The following PRLR variants were observed in gnomAD, a reference collection of about 807,000 sequenced individuals.
The protein encoded by PRLR is hPRL receptor.
A neutral mutation model predicts 40.2 loss-of-function variants in PRLR; 13 were observed. That is an observed-to-expected ratio of 0.32 (90% CI 0.21 to 0.51). The LOEUF is 0.51. Ranked by LOEUF, PRLR falls within the 20% of genes least tolerant of loss-of-function variation. The pLI is 0.97. For synonymous variants in PRLR, 269 were observed against 278.7 expected, an observed-to-expected ratio of 0.97 and a Z score of 0.35; for missense variants, 656 against 747.3, an observed-to-expected ratio of 0.88 and a Z score of 1.42.
chr5:35,215,410 C>T (rs1776261585), intron 1 of PRLR, among the ~76,000 whole-genome samples: 1 of 152,238 alleles, frequency 6.6e-6, no homozygotes, highest in African/African-American at 2.4e-5. Flanking sequence ...GTTGGTGTCC[C>T]CCAGTAAATC....
At chr5:35,111,701 T>G (rs986087665) in intron 2 of PRLR, among the ~76,000 whole-genome samples, 2 of 152,140 alleles carry the variant, frequency 1.3e-5, no homozygotes, top group Non-Finnish European at 2.9e-5. Flanking sequence ...TATTTAACCT[T>G]TAAAGTAATG....
intron 1 of PRLR, among the ~76,000 whole-genome samples, chr5:35,187,193 G>C (rs1001699867): frequency 1.3e-5 from 2 of 152,120 alleles, no homozygotes; most frequent in Non-Finnish European, 2.9e-5. Context: ...TTGAGGTCAG[G>C]AGTTTGAGAC....
intron 1 of PRLR, among the ~76,000 whole-genome samples, chr5:35,206,419 T>C (rs558166002): frequency 1.3e-5 from 2 of 152,218 alleles, no homozygotes; most frequent in East Asian, 3.9e-4. Flanking sequence ...CAGGAATGTA[T>C]TGTAAAGGAT....
At chr5:35,075,412 T>C (rs1335255197) in intron 5 of PRLR, among the ~76,000 whole-genome samples, 1 of 152,076 alleles carries the variant, frequency 6.6e-6, no homozygotes, top group East Asian at 1.9e-4. Context: ...GCTCAGAGGG[T>C]CCCAAGCCCA....
At chr5:35,068,730 A>G in intron 8 of PRLR, 49 bp downstream of exon 8, 1 of 1,343,380 alleles carries the variant, frequency 7.4e-7, no homozygotes, top group Non-Finnish European at 1.1e-6. Flanking sequence ...TTTTGTCATT[A>G]TCCTTGACTA....
chr5:35,099,406 C>T (rs1156400431), intron 2 of PRLR, among the ~76,000 whole-genome samples: 1 of 152,206 alleles, frequency 6.6e-6, no homozygotes, highest in Admixed American at 6.5e-5. Context: ...AAATCTACTG[C>T]ACTGCTAGTC....
intron 3 of PRLR, among the ~76,000 whole-genome samples, chr5:35,086,860 T>C (rs1270967730): frequency 1.3e-5 from 2 of 152,170 alleles, no homozygotes; most frequent in African/African-American, 4.8e-5. Context: ...TCCATCTTTC[T>C]GCCATCCCCA....
At position 35,128,779 on chromosome 5, in the gene PRLR, T is replaced by C. The variant is rs561000186; in HGVS notation, c.-105-10657A>G. On this transcript the variant is annotated intron_variant, in intron 1 of 9. Transcript: ENST00000618457. ...TTCATTCACCTCCTCTGAGACTTGA[T>C]AATTAATCTTGTCCTCACCTCCTCA... is the stretch of plus-strand genomic sequence containing the variant. Among the ~76,000 whole-genome samples, 17 of 152,344 alleles carry C rather than the reference T, an allele frequency of 1.1e-4. No individual in the cohort carries two copies. In the East Asian group the frequency reaches 2.7e-3, roughly 24 times the overall value.
At chr5:35,223,740 C>T (rs6878684) in intron 1 of PRLR, among the ~76,000 whole-genome samples, 116,344 of 152,216 alleles carry the variant, frequency 0.76, 44,821 homozygotes, top group Middle Eastern at 0.82. Context: ...TACATGCTAC[C>T]GGTCTTTTAT....
intron 1 of PRLR, among the ~76,000 whole-genome samples, chr5:35,204,655 A>AT (rs1255163315): frequency 6.6e-6 from 1 of 152,170 alleles, no homozygotes; most frequent in East Asian, 1.9e-4. Context: ...GAATCAAAAG[A>AT]TTTTTTAAAC....
intron 2 of PRLR, among the ~76,000 whole-genome samples, chr5:35,113,300 C>CCAT (rs1772792573): frequency 1.4e-5 from 2 of 141,252 alleles, no homozygotes; most frequent in Admixed American, 7.1e-5. Flanking sequence ...CATCCATCCA[C>CCAT]CCACCCATCT....
At chr5:35,081,625 A>C (rs1770525588) in intron 5 of PRLR, 1 of 152,804 alleles carries the variant, frequency 6.5e-6, no homozygotes, top group Non-Finnish European at 1.5e-5. Flanking sequence ...TCTCATATAC[A>C]CTTGATTTCT....
chr5:35,075,593 T>C (rs1255626678), intron 5 of PRLR, among the ~76,000 whole-genome samples: 1 of 152,214 alleles, frequency 6.6e-6, no homozygotes, highest in East Asian at 1.9e-4. Flanking sequence ...CCTGCCTCTG[T>C]GGACTCCACC....
At chr5:35,091,866 C>T (rs909419518) in intron 2 of PRLR, among the ~76,000 whole-genome samples, 3 of 152,234 alleles carry the variant, frequency 2.0e-5, no homozygotes, top group Admixed American at 2.0e-4. Context: ...AGTCTATCCA[C>T]TGGCTGAAGA....
intron 1 of PRLR, among the ~76,000 whole-genome samples, chr5:35,200,313 C>T (rs986152863): frequency 2.0e-5 from 3 of 152,198 alleles, no homozygotes; most frequent in Non-Finnish European, 4.4e-5. Flanking sequence ...TCTATCGTGG[C>T]TACATGCTGC....
chr5:35,160,401 A>G (rs1774640459), intron 1 of PRLR, among the ~76,000 whole-genome samples: 1 of 152,194 alleles, frequency 6.6e-6, no homozygotes, highest in South Asian at 2.1e-4. Flanking sequence ...TGATTTAGCC[A>G]TCTCTGCTCT....
chr5:35,229,955 G>C (rs779344625), intron 1 of PRLR, among the ~76,000 whole-genome samples: 3 of 152,206 alleles, frequency 2.0e-5, no homozygotes, highest in African/African-American at 4.8e-5. Context: ...AGATGCCTTT[G>C]ACAAAGGCGA....
At chr5:35,191,184 C>A (rs1263623515) in intron 1 of PRLR, among the ~76,000 whole-genome samples, 1 of 124,308 alleles carries the variant, frequency 8.0e-6, no homozygotes. Flanking sequence ...CATTCTCCTG[C>A]CTCAGCCTCC....
chr5:35,144,115 C>T (rs1410655248), intron 1 of PRLR, among the ~76,000 whole-genome samples: 1 of 88,618 alleles, frequency 1.1e-5, no homozygotes, highest in South Asian at 4.1e-4. Flanking sequence ...AGATTTTCAA[C>T]AAGCTTCCAA....
Sources: allele counts gnomAD v4.1 joint callset (sites outside exome capture counted in the v4.1 genomes callset), GRCh38; gene constraint gnomAD v4.1.1; transcripts MANE v1.5; gene names NCBI Gene and HGNC (gene_info 2026-07-23, HGNC 2026-07-21).